Variants in ADK observed in about 807,000 individuals in gnomAD.
ADK encodes the protein adenosine kinase, also known as N6,N6-dimethyladenosine kinase.
In ADK, 24 loss-of-function variants were observed where a neutral mutation model predicts 44.7. That is an observed-to-expected ratio of 0.54 (90% confidence interval 0.39 to 0.76). The LOEUF is 0.76. Among genes scored for constraint, ADK ranks in the 30% least tolerant of loss-of-function variants. ADK has a pLI of 0.00. For missense variants in ADK, 321 were observed against 425.1 expected, an observed-to-expected ratio of 0.76 and a Z score of 2.15; for synonymous variants, 128 against 142.6, an observed-to-expected ratio of 0.90 and a Z score of 0.73.
chr10:74,263,678 T>G (rs1846120928), intron 3 of ADK, among the ~76,000 whole-genome samples: 1 of 152,242 alleles, frequency 6.6e-6, no homozygotes, highest in South Asian at 2.1e-4. Flanking sequence ...TGTTTTTAGC[T>G]GTAATGCTTT....
At chr10:74,372,003 G>A (rs1311050557) in intron 4 of ADK, 3 of 787,170 alleles carry the variant, frequency 3.8e-6, no homozygotes, top group Non-Finnish European at 6.8e-6. Context: ...TCTGCACTTT[G>A]TGGACATTGC....
At chr10:74,475,610 G>A (rs1246021133) in intron 6 of ADK, among the ~76,000 whole-genome samples, 1 of 152,062 alleles carries the variant, frequency 6.6e-6, no homozygotes, top group African/African-American at 2.4e-5. Context: ...GGGAGGTTTA[G>A]GCAGGAGAAT....
intron 6 of ADK, among the ~76,000 whole-genome samples, chr10:74,449,628 T>C (rs1398783450): frequency 6.6e-6 from 1 of 152,250 alleles, no homozygotes; most frequent in East Asian, 1.9e-4. Flanking sequence ...TCTTAATGTT[T>C]TTTTCAAATC....
chr10:74,386,731 G>A (rs2132022890), intron 4 of ADK, among the ~76,000 whole-genome samples: 1 of 152,180 alleles, frequency 6.6e-6, no homozygotes, highest in African/African-American at 2.4e-5. Flanking sequence ...TTCCCACATA[G>A]TTGCTTTGTC....
intron 3 of ADK, among the ~76,000 whole-genome samples, chr10:74,293,606 T>A (rs1839704301): frequency 2.0e-5 from 3 of 152,230 alleles, no homozygotes; most frequent in Admixed American, 2.0e-4. Context: ...AGTTACTCTT[T>A]TATTAGAGTT....
intron 4 of ADK, among the ~76,000 whole-genome samples, chr10:74,366,619 T>C (rs987707903): frequency 2.4e-4 from 36 of 152,116 alleles, no homozygotes; most frequent in Non-Finnish European, 4.3e-4. Flanking sequence ...AAAAAAAAAT[T>C]ATAAATCTGA....
At chr10:74,692,454 G>A (rs1163493323) in intron 10 of ADK, among the ~76,000 whole-genome samples, 1 of 152,048 alleles carries the variant, frequency 6.6e-6, no homozygotes, top group East Asian at 1.9e-4. Flanking sequence ...TCTCCAGCCT[G>A]GGCAACAAGA....
At chr10:74,356,774 T>C (rs1842160929) in intron 4 of ADK, among the ~76,000 whole-genome samples, 1 of 152,230 alleles carries the variant, frequency 6.6e-6, no homozygotes. Context: ...AACCAGAGTG[T>C]TGGGAGACAG....
At chr10:74,485,453 C>G (rs1016807971) in intron 6 of ADK, among the ~76,000 whole-genome samples, 1 of 146,026 alleles carries the variant, frequency 6.8e-6, no homozygotes, top group Non-Finnish European at 1.5e-5. Context: ...CAGAGTGAGA[C>G]CCTGTCTCAA....
At chr10:74,615,364 T>C (rs984128721) in intron 9 of ADK, among the ~76,000 whole-genome samples, 1 of 152,204 alleles carries the variant, frequency 6.6e-6, no homozygotes, top group Non-Finnish European at 1.5e-5. Context: ...ATTGGGGTTT[T>C]ATTTTCTCAA....
chr10:74,332,421 A>G (rs10824151), intron 4 of ADK, among the ~76,000 whole-genome samples: 21,434 of 152,192 alleles, frequency 0.14, 1,656 homozygotes, highest in African/African-American at 0.2. Context: ...TAAAAAGGTA[A>G]ATTTAGAGAA....
At chr10:74,337,226 A>C (rs1253486198) in intron 4 of ADK, among the ~76,000 whole-genome samples, 2 of 152,236 alleles carry the variant, frequency 1.3e-5, no homozygotes, top group African/African-American at 2.4e-5. Context: ...CTAAACTAAC[A>C]CAATAGGTTG....
intron 4 of ADK, among the ~76,000 whole-genome samples, chr10:74,317,578 A>AAG (rs1248957227): frequency 6.6e-6 from 1 of 151,874 alleles, no homozygotes; most frequent in Non-Finnish European, 1.5e-5. Flanking sequence ...AAAAAAAAAA[A>AAG]AAGAAATGGA....
chr10:74,228,256 GT>G (rs1466346230), intron 3 of ADK, among the ~76,000 whole-genome samples: 1 of 152,102 alleles, frequency 6.6e-6, no homozygotes, highest in African/African-American at 2.4e-5. Context: ...AAGCAAAGTG[GT>G]TTTTCTCAAC....
intron 8 of ADK, among the ~76,000 whole-genome samples, chr10:74,596,270 A>G (rs1851923905): frequency 1.3e-5 from 2 of 152,174 alleles, no homozygotes; most frequent in Non-Finnish European, 2.9e-5. Context: ...ACTTGTATTT[A>G]TGACCTTAGG....
intron 6 of ADK, among the ~76,000 whole-genome samples, chr10:74,502,081 A>G (rs1009483258): frequency 1.3e-5 from 2 of 152,130 alleles, no homozygotes; most frequent in African/African-American, 4.8e-5. Context: ...CCTGTTTTTC[A>G]CAAATGAAAA....
chr10:74,478,998 T>G (rs1406501585), intron 6 of ADK, among the ~76,000 whole-genome samples: 1 of 152,184 alleles, frequency 6.6e-6, no homozygotes, highest in African/African-American at 2.4e-5. Flanking sequence ...ATGTATCTTT[T>G]TTTAAAAAAT....
At chr10:74,530,581 C>T (rs181680843) in intron 7 of ADK, 1 of 152,192 alleles carries the variant, frequency 6.6e-6, no homozygotes, top group Non-Finnish European at 1.5e-5. Flanking sequence ...TAAGATAAAC[C>T]TGATGATTAC....
intron 4 of ADK, among the ~76,000 whole-genome samples, chr10:74,356,734 T>C (rs1592094414): frequency 6.6e-6 from 1 of 152,330 alleles, no homozygotes; most frequent in East Asian, 1.9e-4. Context: ...AACTTCTATG[T>C]AAACATTATT....
Sources: gnomAD v4.1 joint callset for allele counts (sites outside exome capture counted in the v4.1 genomes callset) on GRCh38, gnomAD v4.1.1 for gene constraint, MANE v1.5 for transcripts, NCBI Gene and HGNC (gene_info 2026-07-23, HGNC 2026-07-21) for gene names.